Variants in CAST observed in about 807,000 individuals in gnomAD.
CAST encodes the protein calpastatin.
In CAST, 76 loss-of-function variants were observed where a neutral mutation model predicts 119.6. That is an observed-to-expected ratio of 0.64 (90% CI 0.53 to 0.77). The LOEUF is 0.77. Among genes scored for constraint, CAST ranks in the 30% least tolerant of loss-of-function variants. The pLI is 0.00. For synonymous variants in CAST, 319 were observed against 331.6 expected, an observed-to-expected ratio of 0.96 and a Z score of 0.41; for missense variants, 953 against 946.5, an observed-to-expected ratio of 1.01 and a Z score of -0.09.
chr5:96,358,899 TTC>T, the CAST span, among the ~76,000 whole-genome samples: 1 of 152,164 alleles, frequency 6.6e-6, no homozygotes, highest in Non-Finnish European at 1.5e-5. Context: ...CTTGTTAATT[TTC>T]TGTCTCGTTG....
chr5:96,520,044 A>G, the CAST span, among the ~76,000 whole-genome samples: 5 of 152,204 alleles, frequency 3.3e-5, no homozygotes, highest in Non-Finnish European at 5.9e-5. Flanking sequence ...GGCTACTCCC[A>G]TAATATCCTC....
At chr5:95,988,924 A>G in the CAST span, among the ~76,000 whole-genome samples, 3 of 152,212 alleles carry the variant, frequency 2.0e-5, no homozygotes, top group African/African-American at 7.2e-5. Flanking sequence ...CATTCCTCAT[A>G]GGAATTTTGA....
At chr5:96,024,739 G>A in the CAST span, among the ~76,000 whole-genome samples, 3 of 152,014 alleles carry the variant, frequency 2.0e-5, no homozygotes, top group African/African-American at 7.2e-5. Context: ...TATTTTGTGG[G>A]AAGTAAAGAC....
At chr5:96,487,416 T>C in the CAST span, among the ~76,000 whole-genome samples, 1 of 152,238 alleles carries the variant, frequency 6.6e-6, no homozygotes, top group Admixed American at 6.5e-5. Context: ...TACTTTCTGA[T>C]CTTCTGATGC....
the CAST span, among the ~76,000 whole-genome samples, chr5:96,344,635 A>G: frequency 6.6e-6 from 1 of 152,134 alleles, no homozygotes; most frequent in East Asian, 1.9e-4. Flanking sequence ...CTTTTCCTTT[A>G]GTCTTCATTT....
rs764863114 is a variant in CAST at position 96,730,832 on chromosome 5, C to G, written c.602C>G (p.Thr201Ser). The part of the protein sequence containing the change: ...SAGGESVAGI[T>S]AISGKPGDKK... ...GGTGGAGAGAGTGTTGCTGGTATCA[C>G]TGCAATATCTGGCAAGCCGGGTGAC... The change falls in exon 9 of 32, where the codon ACT (threonine) becomes AGT (serine). Residue 201 changes from threonine (T) to serine (S), a missense_variant. By Grantham distance (58) the Thr-to-Ser change is moderately conservative. Transcript: ENST00000675179. 2 of 1,613,892 alleles carry G rather than the reference C, an allele frequency of 1.2e-6. No homozygotes were observed. The highest frequency in any genetic ancestry group is 1.7e-6 in the Non-Finnish European group (2 of 1,179,780).
chr5:96,762,465 G>A, intron 25 of CAST, 93 bp downstream of exon 25: 1 of 823,452 alleles, frequency 1.2e-6, no homozygotes, highest in East Asian at 2.7e-5. Flanking sequence ...ATGAAAATAG[G>A]CAGAATTATT....
the CAST span, among the ~76,000 whole-genome samples, chr5:96,403,257 T>C: frequency 6.6e-6 from 1 of 152,218 alleles, no homozygotes; most frequent in African/African-American, 2.4e-5. Flanking sequence ...TAGAAAAACC[T>C]ATTTTTCTTT....
At chr5:96,499,180 G>A in the CAST span, among the ~76,000 whole-genome samples, 1 of 152,044 alleles carries the variant, frequency 6.6e-6, no homozygotes, top group Non-Finnish European at 1.5e-5. Flanking sequence ...CTTTTTTAAC[G>A]AGTTCCCTAG....
chr5:96,710,872 A>C (rs2150356675), intron 3 of CAST, among the ~76,000 whole-genome samples: 1 of 152,218 alleles, frequency 6.6e-6, no homozygotes, highest in Non-Finnish European at 1.5e-5. Context: ...ATCACTTAAA[A>C]AAAAAAAAGT....
At chr5:96,464,699 C>G in the CAST span, among the ~76,000 whole-genome samples, 10 of 152,130 alleles carry the variant, frequency 6.6e-5, no homozygotes, top group Non-Finnish European at 1.0e-4. Flanking sequence ...AAACGTAATA[C>G]AGTAAAAATT....
intron 1 of CAST, chr5:96,630,933 A>G (rs1417728154): frequency 1.0e-5 from 1 of 100,450 alleles, no homozygotes; most frequent in African/African-American, 3.6e-5. Flanking sequence ...ATTCTTGTAT[A>G]CTAAAAAAAA....
At chr5:96,108,224 C>A in the CAST span, among the ~76,000 whole-genome samples, 1 of 152,180 alleles carries the variant, frequency 6.6e-6, no homozygotes, top group Non-Finnish European at 1.5e-5. Flanking sequence ...TCTCTCAGCT[C>A]GTCAAAGTCA....
the CAST span, among the ~76,000 whole-genome samples, chr5:96,281,799 A>G: frequency 1.3e-5 from 2 of 152,198 alleles, no homozygotes; most frequent in South Asian, 4.1e-4. Context: ...TTTTCCAAGG[A>G]AGGCTGGAAA....
chr5:96,496,534 A>T, the CAST span, among the ~76,000 whole-genome samples: 1 of 152,358 alleles, frequency 6.6e-6, no homozygotes, highest in South Asian at 2.1e-4. Context: ...ATAAGGCTGC[A>T]AATGCAAAGT....
chr5:96,479,426 GTAAC>G, the CAST span, among the ~76,000 whole-genome samples: 5 of 150,510 alleles, frequency 3.3e-5, no homozygotes, highest in African/African-American at 1.2e-4. Context: ...TATCTAGTGA[GTAAC>G]TACCATTGGC....
At chr5:96,299,085 CA>C in the CAST span, among the ~76,000 whole-genome samples, 18 of 147,326 alleles carry the variant, frequency 1.2e-4, no homozygotes, top group Middle Eastern at 3.5e-3. Context: ...ACTAAAAATA[CA>C]AAAAAAAAAT....
chr5:96,406,156 A>G, the CAST span, among the ~76,000 whole-genome samples: 9 of 152,180 alleles, frequency 5.9e-5, no homozygotes, highest in African/African-American at 2.2e-4. Context: ...AGTTTGTAAA[A>G]AAAGGTCTCG....
intron 24 of CAST, 33 bp downstream of exon 24, chr5:96,757,687 GTTTT>G (rs369438033): frequency 2.7e-5 from 30 of 1,096,688 alleles, no homozygotes; most frequent in South Asian, 1.2e-4. Flanking sequence ...TATTTCTTTA[GTTTT>G]TTTTTTTTTT....
Sources: gnomAD v4.1 joint callset for allele counts (sites outside exome capture counted in the v4.1 genomes callset) on GRCh38, gnomAD v4.1.1 for gene constraint, MANE v1.5 for transcripts, NCBI Gene and HGNC (gene_info 2026-07-23, HGNC 2026-07-21) for gene names.